The following CUX2 variants were observed in gnomAD, a reference collection of about 807,000 sequenced individuals.
CUX2 encodes the protein homeobox protein cut-like 2.
CUX2 carries 40 observed loss-of-function variants against 144.8 expected under a neutral mutation model. The observed-to-expected ratio is 0.28, with a 90% confidence interval of 0.21 to 0.36. The LOEUF (loss-of-function observed/expected upper bound fraction) is 0.36, where lower values mean the gene tolerates loss of function less well. CUX2 is among the 10% of genes least tolerant of loss of function. CUX2 has a pLI of 1.00. For synonymous variants in CUX2, 827 were observed against 875.6 expected (o/e 0.94, Z 0.98); for missense variants, 1,615 against 1,994.0 (o/e 0.81, Z 3.62).
Position 111,308,350 on chromosome 12 carries a change from C to T in CUX2, c.1158+17C>T, listed in dbSNP as rs1437909834. The T allele has an allele frequency of 6.2e-7, 1 of 1,614,130 alleles. No individual in the cohort carries two copies. The highest frequency in any genetic ancestry group is 8.5e-7 in the Non-Finnish European group (1 of 1,179,964). ...CTCCCCCAGGTAAGTGTCCCTGCCA[C>T]CATCCCTGCAGGGCAGGCTGCCCCA... On this transcript the variant is annotated intron_variant, in intron 13 of 21. Coordinates refer to ENST00000261726, the MANE Select transcript of CUX2 (RefSeq NM_015267.4).
chr12:111,147,504 A>C (rs1876762924), intron 1 of CUX2, among the ~76,000 whole-genome samples: 1 of 152,132 alleles, frequency 6.6e-6, no homozygotes, highest in African/African-American at 2.4e-5. Flanking sequence ...GCACAGTTCC[A>C]AGCTGGGATT....
intron 19 of CUX2, among the ~76,000 whole-genome samples, chr12:111,335,630 C>A (rs886143607): frequency 6.6e-6 from 1 of 152,004 alleles, no homozygotes; most frequent in Admixed American, 6.6e-5. Context: ...TCGTTTGAAT[C>A]CAGGAGGTGG....
At chr12:111,045,260 C>G (rs919599346) in intron 1 of CUX2, among the ~76,000 whole-genome samples, 1 of 152,066 alleles carries the variant, frequency 6.6e-6, no homozygotes, top group Admixed American at 6.6e-5. Context: ...GGGGGAGACC[C>G]ATCTTTCCTT....
At chr12:111,227,365 A>C (rs1317873391) in intron 3 of CUX2, among the ~76,000 whole-genome samples, 1 of 152,104 alleles carries the variant, frequency 6.6e-6, no homozygotes, top group East Asian at 1.9e-4. Context: ...CTCGTTGCCC[A>C]TTGCCAGGTT....
chr12:111,298,431 A>G, intron 8 of CUX2, 110 bp from the exon 9 acceptor site: 2 of 1,114,248 alleles, frequency 1.8e-6, no homozygotes, highest in Non-Finnish European at 2.6e-6. Context: ...CTCCTGTAGC[A>G]AGGCCTTCAG....
chr12:111,091,512 C>T (rs1872550062), intron 1 of CUX2, among the ~76,000 whole-genome samples: 1 of 152,124 alleles, frequency 6.6e-6, no homozygotes, highest in African/African-American at 2.4e-5. Context: ...CTGATGGGGC[C>T]CACTTCAGTT....
chr12:111,259,073 T>TGTTTG (rs1883982237), intron 3 of CUX2, among the ~76,000 whole-genome samples: 1 of 89,120 alleles, frequency 1.1e-5, no homozygotes, highest in East Asian at 3.5e-4. Context: ...GTGTGTGTGT[T>TGTTTG]TGTGTGTGTG....
At chr12:111,297,416 C>T (rs905106191) in intron 8 of CUX2, among the ~76,000 whole-genome samples, 2 of 152,212 alleles carry the variant, frequency 1.3e-5, no homozygotes, top group Admixed American at 1.3e-4. Context: ...ACCTCTGCTC[C>T]TCACCCCCAA....
chr12:111,218,775 G>A (rs908157723), intron 3 of CUX2, among the ~76,000 whole-genome samples: 2 of 152,090 alleles, frequency 1.3e-5, no homozygotes, highest in Non-Finnish European at 1.5e-5. Flanking sequence ...CTTTCCTGCC[G>A]ACCCGCTGAG....
At chr12:111,044,614 C>A (rs1176063802) in intron 1 of CUX2, among the ~76,000 whole-genome samples, 1 of 152,246 alleles carries the variant, frequency 6.6e-6, no homozygotes, top group African/African-American at 2.4e-5. Flanking sequence ...CTCTGCCTCA[C>A]CTGATGTGAT....
At chr12:111,266,883 A>G (rs1884414538) in intron 4 of CUX2, among the ~76,000 whole-genome samples, 1 of 152,168 alleles carries the variant, frequency 6.6e-6, no homozygotes, top group Non-Finnish European at 1.5e-5. Flanking sequence ...CATCAGCCTC[A>G]CCTGCAAGCT....
intron 1 of CUX2, among the ~76,000 whole-genome samples, chr12:111,143,576 G>A (rs542574797): frequency 6.6e-6 from 1 of 152,318 alleles, no homozygotes; most frequent in African/African-American, 2.4e-5. Flanking sequence ...ATACCCACTA[G>A]TATAAACATT....
intron 1 of CUX2, among the ~76,000 whole-genome samples, chr12:111,069,539 T>TGTGTGTGTGTGTGCGCGCGC (rs1566199201): frequency 6.6e-6 from 1 of 151,508 alleles, no homozygotes; most frequent in African/African-American, 2.4e-5. Flanking sequence ...TGTGTGTGTG[T>TGTGTGTGTGTGTGCGCGCGC]GTGTGTGTGT....
intron 1 of CUX2, among the ~76,000 whole-genome samples, chr12:111,112,055 G>A (rs536841207): frequency 6.6e-6 from 1 of 152,236 alleles, no homozygotes; most frequent in African/African-American, 2.4e-5. Flanking sequence ...GGAGGCCTGG[G>A]CGGGATATTC....
intron 3 of CUX2, among the ~76,000 whole-genome samples, chr12:111,253,468 G>A (rs138833585): frequency 4.6e-5 from 7 of 152,146 alleles, no homozygotes; most frequent in South Asian, 2.1e-4. Context: ...TCCCCACGAC[G>A]CCTTCCCCTC....
At chr12:111,106,395 A>G (rs1266032388) in intron 1 of CUX2, among the ~76,000 whole-genome samples, 1 of 152,138 alleles carries the variant, frequency 6.6e-6, no homozygotes, top group African/African-American at 2.4e-5. Context: ...GGACTTAAGC[A>G]ATTCACCCAC....
chr12:111,053,888 C>G (rs554883540), intron 1 of CUX2, among the ~76,000 whole-genome samples: 3 of 152,362 alleles, frequency 2.0e-5, no homozygotes, highest in African/African-American at 7.2e-5. Flanking sequence ...GGCGCAGTGG[C>G]TCACGCCTGT....
At chr12:111,281,259 T>C (rs902482055) in intron 4 of CUX2, among the ~76,000 whole-genome samples, 1 of 152,138 alleles carries the variant, frequency 6.6e-6, no homozygotes, top group Admixed American at 6.5e-5. Flanking sequence ...TGGTGTCTTG[T>C]CCTCAGATGC....
rs147389725 is a variant in CUX2, at chr12:111,322,321, CAA to C, written c.2767-78_2767-77del. On this transcript the variant is annotated intron_variant, in intron 17 of 21. Coordinates refer to ENST00000261726, the MANE Select transcript of CUX2 (RefSeq NM_015267.4). The surrounding 1 kb of genome is among the most constrained non-coding windows in gnomAD (Gnocchi z 4.2). Reference sequence around the variant, plus strand: ...CGACAGACAAAGCGAGACTCTGCCTCAAAAAAAAAAAAAAAAAAAAAAAGGTT... The same window carrying C: ...CGACAGACAAAGCGAGACTCTGCCTCAAAAAAAAAAAAAAAAAAAAAGGTT... The C allele has an allele frequency of 0.068, 50,203 of 736,474 alleles. 44 individuals carry two copies. Among genetic ancestry groups the C allele is most frequent in the South Asian group, 0.094 (4,008 of 42,618 alleles). The allele number at this position is 736,474 out of a possible 1,614,324, so 45.6% of individuals were successfully genotyped here.
Sources: allele counts gnomAD v4.1 joint callset (sites outside exome capture counted in the v4.1 genomes callset), GRCh38; gene constraint gnomAD v4.1.1; non-coding constraint Gnocchi (gnomAD v3.1); transcripts MANE v1.5; gene names NCBI Gene and HGNC (gene_info 2026-07-23, HGNC 2026-07-21).